The following RRP12 variants were observed in gnomAD, a reference collection of about 807,000 sequenced individuals.
RRP12 encodes the protein RRP12-like protein.
RRP12 carries 78 observed loss-of-function variants against 157.3 expected under a neutral mutation model. That is an observed-to-expected ratio of 0.50 (90% confidence interval 0.41 to 0.60). RRP12 has a LOEUF of 0.60. Among genes scored for constraint, RRP12 ranks in the 20% least tolerant of loss-of-function variants. The pLI, the probability that RRP12 is intolerant of heterozygous loss-of-function variation, is 0.00. For synonymous variants in RRP12, 726 were observed against 670.9 expected (o/e 1.08, Z -1.27); for missense variants, 1,521 against 1,679.9 (o/e 0.91, Z 1.65).
At chr10:97,360,465 G>T in intron 31 of RRP12, 81 bp downstream of exon 31, 1 of 1,167,810 alleles carries the variant, frequency 8.6e-7, no homozygotes, top group Non-Finnish European at 1.3e-6. Flanking sequence ...TCATGGCCCT[G>T]CCACCCCTTC....
intron 31 of RRP12, among the ~76,000 whole-genome samples, chr10:97,359,922 G>A (rs1843800108): frequency 6.6e-6 from 1 of 152,246 alleles, no homozygotes; most frequent in Non-Finnish European, 1.5e-5. Flanking sequence ...ACCAGCTACT[G>A]GAATCAGAGG....
chr10:97,378,643 G>C (rs1844376136), intron 15 of RRP12, among the ~76,000 whole-genome samples: 1 of 152,082 alleles, frequency 6.6e-6, no homozygotes, highest in Admixed American at 6.5e-5. Flanking sequence ...GATCACCTGA[G>C]GTCAGGAGTT....
At chr10:97,371,957 A>G in intron 20 of RRP12, 116 bp downstream of exon 20, 1 of 666,350 alleles carries the variant, frequency 1.5e-6, no homozygotes. Flanking sequence ...GAAAGCAGAC[A>G]GGGACCTGAT....
At chr10:97,381,032 C>T (rs1000107939) in intron 12 of RRP12, 119 bp from the exon 13 acceptor site, 11 of 710,768 alleles carry the variant, frequency 1.5e-5, no homozygotes, top group African/African-American at 8.8e-5. Context: ...GAATGGGGCC[C>T]CAGGAGAGAC....
At chr10:97,398,354 T>A (rs1845043764) in intron 2 of RRP12, among the ~76,000 whole-genome samples, 1 of 98,338 alleles carries the variant, frequency 1.0e-5, no homozygotes, top group East Asian at 2.8e-4. Context: ...GCGCCCGGCC[T>A]TTTTTTTTTT....
chr10:97,358,440 G>T, intron 33 of RRP12, 97 bp downstream of exon 33: 1 of 871,452 alleles, frequency 1.1e-6, no homozygotes, highest in Non-Finnish European at 1.9e-6. Context: ...CTCAAATTGA[G>T]CTGAGAGTTT....
chr10:97,358,525 A>G lies in RRP12; in HGVS notation c.3791+12T>C, dbSNP rs758225022. 6.8e-6 allele frequency: 11 copies of G among 1,609,468 alleles called. No homozygotes were observed. Among genetic ancestry groups the G allele is most frequent in the Admixed American group, 3.3e-5 (2 of 59,962 alleles). ...TCCTCCAGCCCCCAGCCTGCCTGGCACAGCGTCATACCTGCGGTTGAGCTT... is the reference window on the plus strand; with the variant it reads ...TCCTCCAGCCCCCAGCCTGCCTGGCGCAGCGTCATACCTGCGGTTGAGCTT... On this transcript the variant is annotated intron_variant, in intron 33 of 33. Transcript: ENST00000370992.
rs139762801 is a variant in RRP12 at position 97,373,636 on chromosome 10, T to C, written c.1965A>G (p.Pro655=). 3 of 1,613,506 alleles carry C rather than the reference T, an allele frequency of 1.9e-6. No individual in the cohort carries two copies. In the African/African-American group the frequency reaches 4.0e-5, roughly 22 times the overall value. Reference sequence around the variant, plus strand: ...CCTGGCACACGGTGACCCTCAGGTCTGGACGCTCGCTGATGGCCATGCCCA... The same window carrying C: ...CCTGGCACACGGTGACCCTCAGGTCCGGACGCTCGCTGATGGCCATGCCCA... ...RTLGMAISER[P]DLRVTVCQAL... The change falls in exon 17 of 34, where the codon CCA becomes CCG. Residue 655 remains proline (P), a synonymous_variant. Transcript: ENST00000370992.
Position 97,370,293 on chromosome 10 carries a change from G to A in RRP12, c.2690-19C>T, listed in dbSNP as rs369567007. 2.8e-5 allele frequency: 44 copies of A among 1,558,680 alleles called. No individual in the cohort carries two copies. In the East Asian group the frequency reaches 3.9e-4, roughly 14 times the overall value. ...AGGGCCTCTGGGGACAGAGACCAAC[G>A]TGGGTCAAGCAGGAAGGACCCACCA... On this transcript the variant is annotated intron_variant, in intron 23 of 33. Coordinates refer to ENST00000370992, the MANE Select transcript of RRP12 (RefSeq NM_015179.4).
At chr10:97,395,203 CAT>C (rs778677437) in intron 3 of RRP12, among the ~76,000 whole-genome samples, 1 of 120,926 alleles carries the variant, frequency 8.3e-6, no homozygotes, top group Non-Finnish European at 1.8e-5. Context: ...TATATATACA[CAT>C]ATACACACAC....
Position 97,379,309 on chromosome 10 carries a change from G to T in RRP12, c.1782C>A (p.Asn594Lys), listed in dbSNP as rs1177448204. 1 of 1,613,966 alleles carries T rather than the reference G, an allele frequency of 6.2e-7. No homozygotes were observed. The highest frequency in any genetic ancestry group is 8.5e-7 in the Non-Finnish European group (1 of 1,179,954). Residue 594 changes from asparagine (N) to lysine (K), a missense_variant, in exon 15 of 34, where the codon AAC (asparagine) becomes AAA (lysine). By Grantham distance (94) the Asn-to-Lys change is moderately conservative. Transcript: ENST00000370992. ...CTCTCCTACCTTTGCTCTTCAGGGT[G>T]TTAGCCAGGGGCAAGAAGTAGGTGG... Reference protein sequence around the residue: ...FFTTYFLPLANTLKSKAMDLA... With the variant: ...FFTTYFLPLAKTLKSKAMDLA...
chr10:97,381,557 T>C, intron 11 of RRP12, 74 bp from the exon 12 acceptor site: 1 of 1,313,162 alleles, frequency 7.6e-7, no homozygotes, highest in Non-Finnish European at 1.1e-6. Context: ...CAGGCAACAG[T>C]TTCCTGGGAG....
intron 32 of RRP12, 44 bp from the exon 33 acceptor site, chr10:97,358,663 C>A (rs1843771536): frequency 7.0e-7 from 1 of 1,425,484 alleles, no homozygotes; most frequent in Admixed American, 1.7e-5. Context: ...GGTGGGGTTC[C>A]CCTTCTGTCC....
At chr10:97,373,770 C>T (rs1211769272) in intron 16 of RRP12, 33 bp from the exon 17 acceptor site, 4 of 1,612,748 alleles carry the variant, frequency 2.5e-6, no homozygotes, top group Non-Finnish European at 3.4e-6. Context: ...AGGAAGGTGA[C>T]ACGCAGCCAC....
At position 97,358,949 on chromosome 10, in the gene RRP12, C is replaced by T. The variant is rs1843777199; in HGVS notation, c.3702G>A (p.Lys1234=). Residue 1234 remains lysine (K), a synonymous_variant, in exon 32 of 34, where the codon AAG becomes AAA. Transcript: ENST00000370992. ...CCCTACATGCAGCACTTACCTTGGC[C>T]TTGTATTCAGCCCCAGGCATAGCCT... is the stretch of plus-strand genomic sequence containing the variant. ...AKKAMPGAEY[K]AKKAKGDVKK... 6.2e-7 allele frequency: 1 copy of T among 1,613,484 alleles called. No homozygotes were observed. The highest frequency in any genetic ancestry group is 1.3e-5 in the African/African-American group (1 of 74,914).
intron 31 of RRP12, among the ~76,000 whole-genome samples, chr10:97,360,335 G>T (rs991280338): frequency 3.9e-5 from 6 of 152,164 alleles, no homozygotes; most frequent in African/African-American, 1.4e-4. Flanking sequence ...TCCATGCACA[G>T]ATCTCCTAAC....
intron 31 of RRP12, 24 bp from the exon 32 acceptor site, chr10:97,359,034 G>A (rs767621496): frequency 1.9e-6 from 3 of 1,606,174 alleles, no homozygotes; most frequent in Non-Finnish European, 2.6e-6. Context: ...ACAGGACCAT[G>A]AGTCAGGCAA....
Position 97,366,224 on chromosome 10 carries a change from G to A in RRP12, c.3401C>T (p.Pro1134Leu), listed in dbSNP as rs1843975004. The A allele has an allele frequency of 6.2e-7, 1 of 1,611,440 alleles. No homozygotes were observed. The highest frequency in any genetic ancestry group is 8.5e-7 in the Non-Finnish European group (1 of 1,179,972). ...KVAQRVLATQ[P>L]GPGRGRKKDH... Reference sequence around the variant, plus strand: ...CTTCTTCCTGCCCCGGCCTGGCCCTGGCTGCGTGGCTGGGGTGTAGAGTTT... The same window carrying A: ...CTTCTTCCTGCCCCGGCCTGGCCCTAGCTGCGTGGCTGGGGTGTAGAGTTT... Residue 1134 changes from proline (P) to leucine (L), a missense_variant, in exon 29 of 34, where the codon CCA (proline) becomes CTA (leucine). Physicochemically the swap from Pro to Leu is moderately conservative, Grantham distance 98 (BLOSUM62 -3). Transcript: ENST00000370992.
rs1054375862 is a variant in RRP12, at chr10:97,360,410, C to A, written c.3640+136G>T. 4.3e-6 allele frequency: 3 copies of A among 703,998 alleles called. No homozygotes were observed. In the African/African-American group the frequency reaches 5.3e-5, roughly 12 times the overall value. 43.6% of individuals were successfully genotyped at this position (703,998 alleles called of 1,614,324 possible). A position where few individuals can be genotyped will look rare whatever the true frequency, so the allele number is the denominator to read the frequency against. On this transcript the variant is annotated intron_variant, in intron 31 of 33. Coordinates refer to ENST00000370992, the MANE Select transcript of RRP12 (RefSeq NM_015179.4). ...AGGCCCATCTTGAGTGTCATATCAG[C>A]CAACCTCTGTTGGTGCCAAGTGAGT...
Sources: gnomAD v4.1 joint callset for allele counts (sites outside exome capture counted in the v4.1 genomes callset) on GRCh38, gnomAD v4.1.1 for gene constraint, MANE v1.5 for transcripts, NCBI Gene and HGNC (gene_info 2026-07-23, HGNC 2026-07-21) for gene names.